ATOSA: variants seen among roughly 807,000 people sequenced by gnomAD.
ATOSA encodes atos homolog A.
the ATOSA span, among the ~76,000 whole-genome samples, chr15:52,633,111 T>C: frequency 0.023 from 3,532 of 152,284 alleles, 116 homozygotes; most frequent in African/African-American, 0.073. Context: ...GGGAAGCTTT[T>C]CTCTTTACTC....
the ATOSA span, chr15:52,649,543 T>A: frequency 6.6e-6 from 1 of 152,156 alleles, no homozygotes; most frequent in Non-Finnish European, 1.5e-5. Context: ...TAGCAATCAC[T>A]GCATCTAGTA....
the ATOSA span, among the ~76,000 whole-genome samples, chr15:52,690,089 C>T: frequency 6.6e-6 from 1 of 152,194 alleles, no homozygotes; most frequent in Non-Finnish European, 1.5e-5. Flanking sequence ...GCAACCTGAA[C>T]ATTTCTGATA....
the ATOSA span, among the ~76,000 whole-genome samples, chr15:52,700,099 T>C: frequency 6.6e-6 from 1 of 152,212 alleles, no homozygotes; most frequent in Non-Finnish European, 1.5e-5. Flanking sequence ...TGACCATCAG[T>C]GGAGGAAGAA....
chr15:52,634,201 G>C, the ATOSA span, among the ~76,000 whole-genome samples: 1,842 of 152,272 alleles, frequency 0.012, 24 homozygotes, highest in African/African-American at 0.034. Flanking sequence ...GGGAGGCCAG[G>C]CTGGGCGGAT....
At chr15:52,598,499 T>C in the ATOSA span, 1 of 152,318 alleles carries the variant, frequency 6.6e-6, no homozygotes, top group Non-Finnish European at 1.5e-5. Flanking sequence ...GTCTAATGTG[T>C]CATTTTAGTG....
the ATOSA span, among the ~76,000 whole-genome samples, chr15:52,603,459 C>T: frequency 6.6e-6 from 1 of 152,048 alleles, no homozygotes; most frequent in African/African-American, 2.4e-5. Flanking sequence ...CTATATGACC[C>T]AGCAATCCCA....
chr15:52,626,600 T>G, the ATOSA span, among the ~76,000 whole-genome samples: 2 of 151,858 alleles, frequency 1.3e-5, no homozygotes, highest in Non-Finnish European at 2.9e-5. Flanking sequence ...TATATTTTCA[T>G]TAATTTACAG....
chr15:52,665,106 C>T, the ATOSA span, among the ~76,000 whole-genome samples: 2 of 152,090 alleles, frequency 1.3e-5, no homozygotes, highest in South Asian at 2.1e-4. Flanking sequence ...CTGGGGACTA[C>T]GAGGGGAATG....
At chr15:52,607,334 A>C in the ATOSA span, among the ~76,000 whole-genome samples, 1 of 152,248 alleles carries the variant, frequency 6.6e-6, no homozygotes, top group African/African-American at 2.4e-5. Context: ...TTAAGCTAAT[A>C]CAAATTTGAT....
At chr15:52,662,805 A>G in the ATOSA span, among the ~76,000 whole-genome samples, 1 of 151,648 alleles carries the variant, frequency 6.6e-6, no homozygotes, top group Non-Finnish European at 1.5e-5. Context: ...TATTATTAGT[A>G]TTGTGTACCA....
the ATOSA span, chr15:52,582,212 T>C: frequency 6.2e-7 from 1 of 1,602,168 alleles, no homozygotes; most frequent in Non-Finnish European, 8.5e-7. Flanking sequence ...TTTGAGTTCA[T>C]ATGCAGCACC....
the ATOSA span, among the ~76,000 whole-genome samples, chr15:52,680,209 CACAA>C: frequency 5.3e-5 from 8 of 152,026 alleles, no homozygotes; most frequent in African/African-American, 1.2e-4. Context: ...GTCATTTAAA[CACAA>C]ACAGATGACA....
the ATOSA span, among the ~76,000 whole-genome samples, chr15:52,708,802 T>C: frequency 1.3e-5 from 2 of 152,190 alleles, no homozygotes; most frequent in African/African-American, 4.8e-5. Context: ...TACTAACATA[T>C]TGTGGAGGCT....
chr15:52,697,846 T>C, the ATOSA span, among the ~76,000 whole-genome samples: 1 of 151,338 alleles, frequency 6.6e-6, no homozygotes, highest in African/African-American at 2.4e-5. Context: ...GGGGGCTTTA[T>C]ATGACTCGTC....
the ATOSA span, among the ~76,000 whole-genome samples, chr15:52,584,249 A>ATTCTCCTGCCTCAGCTTGAG: frequency 4.0e-5 from 6 of 151,248 alleles, no homozygotes; most frequent in African/African-American, 1.5e-4. Flanking sequence ...GGTTCAAGCA[A>ATTCTCCTGCCTCAGCTTGAG]TTCTCCTGCC....
the ATOSA span, among the ~76,000 whole-genome samples, chr15:52,701,369 T>G: frequency 6.6e-6 from 1 of 152,078 alleles, no homozygotes; most frequent in Non-Finnish European, 1.5e-5. Context: ...AGCCCAGGAG[T>G]TTGAGGTTGC....
chr15:52,698,994 A>C, the ATOSA span, among the ~76,000 whole-genome samples: 1 of 152,212 alleles, frequency 6.6e-6, no homozygotes, highest in Non-Finnish European at 1.5e-5. Flanking sequence ...CTGCCAGTTG[A>C]CTCAGTGAAA....
At chr15:52,695,978 C>A in the ATOSA span, among the ~76,000 whole-genome samples, 1 of 152,060 alleles carries the variant, frequency 6.6e-6, no homozygotes, top group African/African-American at 2.4e-5. Context: ...GAAAATGAGG[C>A]TGGAGAGGGG....
chr15:52,675,287 T>C, the ATOSA span, among the ~76,000 whole-genome samples: 1 of 152,222 alleles, frequency 6.6e-6, no homozygotes, highest in Non-Finnish European at 1.5e-5. Context: ...GATAATTTTT[T>C]TCTATTGGCT....
Sources: gnomAD v4.1 joint callset for allele counts (sites outside exome capture counted in the v4.1 genomes callset) on GRCh38, gnomAD v4.1.1 for gene constraint, MANE v1.5 for transcripts, NCBI Gene and HGNC (gene_info 2026-07-23, HGNC 2026-07-21) for gene names.